Variants in OSCP1 observed in about 807,000 individuals in gnomAD.
OSCP1 encodes the protein organic solute carrier partner 1, also known as protein OSCP1.
A neutral mutation model predicts 45.1 loss-of-function variants in OSCP1; 35 were observed. The ratio of observed to expected loss-of-function variants is 0.78; its 90% confidence interval spans 0.59 to 1.03. The LOEUF (loss-of-function observed/expected upper bound fraction) is 1.03. Ranked by LOEUF, OSCP1 falls within the 50% of genes least tolerant of loss-of-function variation. The pLI is 0.00. For missense variants in OSCP1, 400 were observed against 470.7 expected (o/e 0.85, Z 1.39); for synonymous variants, 179 against 180.1 (o/e 0.99, Z 0.05).
At chr1:36,440,275 C>T (rs10908302) in intron 1 of OSCP1, among the ~76,000 whole-genome samples, 40,177 of 151,996 alleles carry the variant, frequency 0.26, 5,935 homozygotes, top group Middle Eastern at 0.4. Context: ...GGCTCAGGCC[C>T]GCATTTTAAA....
At chr1:36,446,363 T>G (rs564246587) in intron 1 of OSCP1, among the ~76,000 whole-genome samples, 1 of 152,294 alleles carries the variant, frequency 6.6e-6, no homozygotes, top group Non-Finnish European at 1.5e-5. Context: ...TGTGATAGAC[T>G]TGTGGGAATT....
chr1:36,428,875 G>A (rs756065874), intron 4 of OSCP1, among the ~76,000 whole-genome samples: 6 of 152,176 alleles, frequency 3.9e-5, no homozygotes, highest in Non-Finnish European at 7.4e-5. Flanking sequence ...AACCCGGGAG[G>A]TGGAGGTTGC....
At chr1:36,444,926 C>T (rs1243848911) in intron 1 of OSCP1, among the ~76,000 whole-genome samples, 2 of 152,212 alleles carry the variant, frequency 1.3e-5, no homozygotes, top group Non-Finnish European at 2.9e-5. Flanking sequence ...TCTGTTTCCT[C>T]TACTGAGGGA....
At chr1:36,437,828 C>T (rs1648851005) in intron 2 of OSCP1, among the ~76,000 whole-genome samples, 1 of 152,058 alleles carries the variant, frequency 6.6e-6, no homozygotes, top group African/African-American at 2.4e-5. Context: ...GGGTTGAGTG[C>T]TTTTATTGTG....
intron 1 of OSCP1, among the ~76,000 whole-genome samples, chr1:36,449,060 T>TATCTGAATATGTATGCTTAGC (rs1233279386): frequency 3.3e-5 from 5 of 152,234 alleles, no homozygotes; most frequent in African/African-American, 1.2e-4. Flanking sequence ...CAATAGTTAA[T>TATCTGAATATGTATGCTTAGC]ATCTGAATAT....
intron 4 of OSCP1, chr1:36,428,189 CAAAAA>C (rs71053930): frequency 0.039 from 33,316 of 843,674 alleles, 112 homozygotes; most frequent in Non-Finnish European, 0.044. Context: ...GACTGCATCT[CAAAAA>C]AAAAAAAAAA....
intron 4 of OSCP1, among the ~76,000 whole-genome samples, chr1:36,423,873 CAAAAAAAT>C (rs941309289): frequency 1.3e-5 from 2 of 149,584 alleles, no homozygotes; most frequent in Admixed American, 1.3e-4. Flanking sequence ...GACTTCATCT[CAAAAAAAT>C]AAAAAAATAA....
intron 1 of OSCP1, 92 bp downstream of exon 1, chr1:36,450,166 G>C: frequency 1.0e-6 from 1 of 990,232 alleles, no homozygotes; most frequent in Non-Finnish European, 1.6e-6. Context: ...GAAGTGTGTA[G>C]GGGTGCGGGT....
intron 8 of OSCP1, 71 bp downstream of exon 8, chr1:36,420,405 A>G (rs1647546332): frequency 6.5e-7 from 1 of 1,527,760 alleles, no homozygotes. Context: ...ACTGGTTTGT[A>G]ATAGTCATTT....
chr1:36,430,740 C>T (rs1648308684), intron 4 of OSCP1, among the ~76,000 whole-genome samples: 4 of 152,128 alleles, frequency 2.6e-5, no homozygotes, highest in South Asian at 4.1e-4. Context: ...CTGTAACCTC[C>T]GCCTCCTGGG....
chr1:36,427,299 CT>C (rs71053929), intron 4 of OSCP1, among the ~76,000 whole-genome samples: 98 of 96,274 alleles, frequency 1.0e-3, no homozygotes, highest in Admixed American at 1.3e-3. Context: ...GGCGCCTGGC[CT>C]TTTTTTTTTT....
chr1:36,423,329 C>G, intron 5 of OSCP1, 34 bp downstream of exon 5: 1 of 1,537,630 alleles, frequency 6.5e-7, no homozygotes, highest in South Asian at 1.1e-5. Flanking sequence ...TCCTAGCACC[C>G]CAAACATAGC....
chr1:36,441,355 A>G (rs969081152), intron 1 of OSCP1, among the ~76,000 whole-genome samples: 14 of 152,212 alleles, frequency 9.2e-5, no homozygotes, highest in African/African-American at 2.7e-4. Context: ...CAGACAGTGA[A>G]ATAAACACCA....
chr1:36,429,043 C>T (rs910591007), intron 4 of OSCP1, among the ~76,000 whole-genome samples: 2 of 152,120 alleles, frequency 1.3e-5, no homozygotes, highest in African/African-American at 2.4e-5. Context: ...CCAAGTAGTT[C>T]AGACTACAGG....
chr1:36,438,515 A>T (rs1648910045), intron 2 of OSCP1, among the ~76,000 whole-genome samples: 1 of 151,994 alleles, frequency 6.6e-6, no homozygotes, highest in South Asian at 2.1e-4. Context: ...CCCAAAACAA[A>T]TCAAACAAAT....
intron 1 of OSCP1, among the ~76,000 whole-genome samples, chr1:36,449,160 T>C (rs1231825340): frequency 6.6e-6 from 1 of 152,226 alleles, no homozygotes; most frequent in Non-Finnish European, 1.5e-5. Flanking sequence ...GCCATGTCAA[T>C]TGCCTTTTCA....
chr1:36,434,699 G>A (rs150345593), intron 2 of OSCP1, among the ~76,000 whole-genome samples: 12,380 of 143,738 alleles, frequency 0.086, 553 homozygotes, highest in Middle Eastern at 0.16. Context: ...GCAGTGAGCC[G>A]AGTTAGTGCC....
intron 1 of OSCP1, among the ~76,000 whole-genome samples, chr1:36,446,492 G>A (rs1191490119): frequency 1.3e-5 from 2 of 152,186 alleles, no homozygotes; most frequent in Non-Finnish European, 2.9e-5. Flanking sequence ...AGATGCTCCC[G>A]AAGGCAGGCA....
chr1:36,430,869 G>T (rs1199001541), intron 4 of OSCP1, among the ~76,000 whole-genome samples: 1 of 152,166 alleles, frequency 6.6e-6, no homozygotes, highest in Non-Finnish European at 1.5e-5. Flanking sequence ...TGGCCAGGCT[G>T]GTCTCAAACT....
Sources: gnomAD v4.1 joint callset for allele counts (sites outside exome capture counted in the v4.1 genomes callset) on GRCh38, gnomAD v4.1.1 for gene constraint, MANE v1.5 for transcripts, NCBI Gene and HGNC (gene_info 2026-07-23, HGNC 2026-07-21) for gene names.